RASGEF1A: variants seen among roughly 807,000 people sequenced by gnomAD.
RASGEF1A encodes ras-GEF domain-containing family member 1A.
A neutral mutation model predicts 56.4 loss-of-function variants in RASGEF1A; 18 were observed. That is an observed-to-expected ratio of 0.32 (90% confidence interval 0.22 to 0.47). The LOEUF (loss-of-function observed/expected upper bound fraction) is 0.47, where lower values mean the gene tolerates loss of function less well. Among genes scored for constraint, RASGEF1A ranks in the 20% least tolerant of loss-of-function variants. The probability of loss-of-function intolerance (pLI) is 1.00; values close to 1 mark genes in which losing one functional copy is unlikely to be tolerated. For synonymous variants in RASGEF1A, 245 were observed against 242.6 expected, an observed-to-expected ratio of 1.01 and a Z score of -0.09; for missense variants, 422 against 627.1, an observed-to-expected ratio of 0.67 and a Z score of 3.49.
chr10:43,219,203 C>G (rs530828707), intron 1 of RASGEF1A, among the ~76,000 whole-genome samples: 2 of 152,226 alleles, frequency 1.3e-5, no homozygotes, highest in Non-Finnish European at 2.9e-5. Context: ...GCTCCCTCTT[C>G]GGCCAACGCC....
rs117294961 is a variant in RASGEF1A, at chr10:43,218,443, C to T, written c.-6-12321G>A. On this transcript the variant is annotated intron_variant, in intron 1 of 12. Transcript: ENST00000395810. ...GGGATGGGGGGCGTTGGGGGTGACA[C>T]TCCCCTGCAGGTCAGGCTCTCCAGT... Among the ~76,000 whole-genome samples, 1,107 of 152,272 alleles carry T rather than the reference C, an allele frequency of 7.3e-3. 11 individuals carry two copies. Among genetic ancestry groups the T allele is most frequent in the South Asian group, 0.015 (74 of 4,832 alleles).
Position 43,266,825 on chromosome 10 carries a change from G to A in RASGEF1A, c.-7+20C>T, listed in dbSNP as rs1836634248. The A allele has an allele frequency of 6.9e-6, 1 of 145,944 alleles. No individual in the cohort carries two copies. The highest frequency in any genetic ancestry group is 1.5e-5 in the Non-Finnish European group (1 of 65,758). 9.0% of individuals were successfully genotyped at this position (145,944 alleles called of 1,614,324 possible). On this transcript the variant is annotated intron_variant, in intron 1 of 12. Transcript: ENST00000395810. The stretch of plus-strand genomic sequence containing the variant: ...CGGGCGGGGGCCCCGAGGCACTGAG[G>A]GTCCGCGGCCGCTGCCTACCTCGGT...
At chr10:43,229,864 GC>G in intron 1 of RASGEF1A, 2 of 623,898 alleles carry the variant, frequency 3.2e-6, no homozygotes, top group Non-Finnish European at 4.7e-6. Context: ...CGCGAGGCCG[GC>G]CAGGAACGCG....
In RASGEF1A at chr10:43,203,648, T is replaced by A. The variant is rs972052127; in HGVS notation, c.199-228A>T. The A allele has an allele frequency of 5.8e-6, 7 of 1,205,316 alleles. 1 individual carries two copies. The African/African-American group carries it at 1.1e-4, about 19-fold the overall frequency. The allele number at this position is 1,205,316 out of a possible 1,614,324, so 74.7% of individuals were successfully genotyped here. A position where few individuals can be genotyped will look rare whatever the true frequency, so the allele number is the denominator to read the frequency against. On this transcript the variant is annotated intron_variant, in intron 2 of 12. Coordinates refer to ENST00000395810, the MANE Select transcript of RASGEF1A (RefSeq NM_145313.4). ...GGCTCGAGCCCCGCCTCCCAGCAGC[T>A]CTCCCAGGCCTCCTAGCAGTCTTCC...
At chr10:43,203,703 A>C in intron 2 of RASGEF1A, 1 of 1,171,056 alleles carries the variant, frequency 8.5e-7, no homozygotes, top group Non-Finnish European at 1.1e-6. Flanking sequence ...TCTCTGCCCC[A>C]CGCCACCATA....
chr10:43,217,375 C>G lies in RASGEF1A; in HGVS notation c.-6-11253G>C, dbSNP rs117851320. Among the ~76,000 whole-genome samples, 1,233 of 152,346 alleles carry G rather than the reference C, an allele frequency of 8.1e-3. 11 individuals carry two copies. Among genetic ancestry groups the G allele is most frequent in the Admixed American group, 0.013 (198 of 15,310 alleles). On this transcript the variant is annotated intron_variant, in intron 1 of 12. Coordinates refer to ENST00000395810, the MANE Select transcript of RASGEF1A (RefSeq NM_145313.4). Reference sequence around the variant, plus strand: ...CATGCTCCCTCTTCCCACGCCAGGGCTACAGTGCTCTCTCCAAGCTGGTGC... The same window carrying G: ...CATGCTCCCTCTTCCCACGCCAGGGGTACAGTGCTCTCTCCAAGCTGGTGC...
At chr10:43,226,735 G>T (rs527441053) in intron 1 of RASGEF1A, among the ~76,000 whole-genome samples, 2 of 152,194 alleles carry the variant, frequency 1.3e-5, no homozygotes, top group Non-Finnish European at 2.9e-5. Context: ...AATTTCCCCA[G>T]ATGTAAAACA....
chr10:43,239,063 A>G (rs1840472108), intron 1 of RASGEF1A, among the ~76,000 whole-genome samples: 1 of 152,136 alleles, frequency 6.6e-6, no homozygotes, highest in African/African-American at 2.4e-5. Flanking sequence ...TGCCCCAGAC[A>G]CCTGCAGCTC....
intron 2 of RASGEF1A, 140 bp downstream of exon 2, chr10:43,205,779 G>A (rs1839985268): frequency 1.5e-6 from 1 of 684,384 alleles, no homozygotes; most frequent in South Asian, 1.8e-5. Context: ...CTAGAGGTGG[G>A]CCTGGGCCCC....
chr10:43,218,536 C>T (rs1840165827), intron 1 of RASGEF1A, among the ~76,000 whole-genome samples: 1 of 152,270 alleles, frequency 6.6e-6, no homozygotes, highest in South Asian at 2.1e-4. Flanking sequence ...CACATGCTGG[C>T]CCCATTCCTG....
At chr10:43,207,593 G>A (rs956711018) in intron 1 of RASGEF1A, 21 of 985,474 alleles carry the variant, frequency 2.1e-5, no homozygotes, top group Admixed American at 6.1e-5. Context: ...CCACGATGAC[G>A]CTGGGTGGAA....
At chr10:43,204,996 G>T (rs1839972441) in intron 2 of RASGEF1A, among the ~76,000 whole-genome samples, 2 of 151,712 alleles carry the variant, frequency 1.3e-5, no homozygotes, top group South Asian at 4.1e-4. Context: ...ACAGATGGAG[G>T]AGGAGGAGGA....
intron 1 of RASGEF1A, among the ~76,000 whole-genome samples, chr10:43,210,623 C>T (rs1340419741): frequency 6.6e-6 from 1 of 152,244 alleles, no homozygotes; most frequent in Non-Finnish European, 1.5e-5. Flanking sequence ...CTGGCATCTT[C>T]CACAGACTTC....
chr10:43,250,047 C>T (rs1840609295), intron 1 of RASGEF1A, among the ~76,000 whole-genome samples: 1 of 152,272 alleles, frequency 6.6e-6, no homozygotes, highest in African/African-American at 2.4e-5. Flanking sequence ...GTGTCTCCCA[C>T]CGAGGGAGCT....
At chr10:43,202,425 G>C (rs954129088) in intron 3 of RASGEF1A, among the ~76,000 whole-genome samples, 3 of 152,258 alleles carry the variant, frequency 2.0e-5, no homozygotes, top group Non-Finnish European at 4.4e-5. Context: ...ACAGGGCCTA[G>C]GGCATGGGGA....
intron 1 of RASGEF1A, among the ~76,000 whole-genome samples, chr10:43,264,175 G>A (rs1824837117): frequency 6.6e-6 from 1 of 151,358 alleles, no homozygotes; most frequent in South Asian, 2.1e-4. Context: ...GCTAGCTGGG[G>A]AATTCCTGGT....
intron 1 of RASGEF1A, among the ~76,000 whole-genome samples, chr10:43,241,053 C>T (rs928716348): frequency 1.3e-5 from 2 of 152,072 alleles, no homozygotes; most frequent in African/African-American, 2.4e-5. Context: ...AGAAGACCTG[C>T]CTTATAAGAA....
intron 1 of RASGEF1A, among the ~76,000 whole-genome samples, chr10:43,258,475 G>A (rs1588953611): frequency 6.6e-6 from 1 of 152,176 alleles, no homozygotes; most frequent in East Asian, 1.9e-4. Flanking sequence ...CCTACCTCAG[G>A]GCCATCTGCC....
At chr10:43,240,488 C>T (rs1840487135) in intron 1 of RASGEF1A, among the ~76,000 whole-genome samples, 2 of 151,924 alleles carry the variant, frequency 1.3e-5, no homozygotes, top group Non-Finnish European at 2.9e-5. Context: ...AGTATGGAAG[C>T]AATATATCAA....
Sources: allele counts gnomAD v4.1 joint callset (sites outside exome capture counted in the v4.1 genomes callset), GRCh38; gene constraint gnomAD v4.1.1; transcripts MANE v1.5; gene names NCBI Gene and HGNC (gene_info 2026-07-23, HGNC 2026-07-21).